The following KCNIP4 variants were observed in gnomAD, a reference collection of about 807,000 sequenced individuals.
The protein encoded by KCNIP4 is Kv channel-interacting protein 4.
KCNIP4 carries 12 observed loss-of-function variants against 34.0 expected under a neutral mutation model. That is an observed-to-expected ratio of 0.35 (90% CI 0.23 to 0.57). The LOEUF is 0.57. Among genes scored for constraint, KCNIP4 ranks in the 20% least tolerant of loss-of-function variants. The probability of loss-of-function intolerance (pLI) is 0.83; values close to 1 mark genes in which losing one functional copy is unlikely to be tolerated. For synonymous variants in KCNIP4, 124 were observed against 102.2 expected (o/e 1.21, Z -1.29); for missense variants, 238 against 311.7 (o/e 0.76, Z 1.78).
At chr4:21,520,857 G>A (rs1735460257) in intron 1 of KCNIP4, among the ~76,000 whole-genome samples, 1 of 152,102 alleles carries the variant, frequency 6.6e-6, no homozygotes. Context: ...GTATTCCTGG[G>A]TTGACTTTTA....
intron 1 of KCNIP4, among the ~76,000 whole-genome samples, chr4:21,711,795 T>A (rs1033160405): frequency 6.6e-6 from 1 of 152,190 alleles, no homozygotes; most frequent in African/African-American, 2.4e-5. Context: ...GAAATCCCAA[T>A]GATATCTACT....
chr4:20,909,179 T>C (rs1728088646), intron 1 of KCNIP4, among the ~76,000 whole-genome samples: 2 of 152,222 alleles, frequency 1.3e-5, no homozygotes. Flanking sequence ...GAAAATCATA[T>C]ATGAAATTGT....
intron 1 of KCNIP4, chr4:21,464,842 TAATA>T (rs1305519854): frequency 6.6e-6 from 1 of 152,102 alleles, no homozygotes; most frequent in Non-Finnish European, 1.5e-5. Flanking sequence ...TTTTTAATTT[TAATA>T]AATATATTTC....
chr4:21,599,999 C>A (rs1402960089), intron 1 of KCNIP4, among the ~76,000 whole-genome samples: 1 of 151,978 alleles, frequency 6.6e-6, no homozygotes, highest in African/African-American at 2.4e-5. Flanking sequence ...AAATCCTCAG[C>A]GATTCTGCTG....
chr4:20,805,185 C>A (rs948412400), intron 3 of KCNIP4, among the ~76,000 whole-genome samples: 1 of 67,146 alleles, frequency 1.5e-5, no homozygotes, highest in African/African-American at 5.4e-5. Context: ...ATAGATGCTT[C>A]CTTTTTTTTT....
intron 1 of KCNIP4, among the ~76,000 whole-genome samples, chr4:21,043,041 T>C (rs894890328): frequency 6.6e-6 from 1 of 152,210 alleles, no homozygotes; most frequent in African/African-American, 2.4e-5. Context: ...CTCTATTATC[T>C]TTAGACTACC....
At chr4:21,624,963 TG>T (rs1745226722) in intron 1 of KCNIP4, among the ~76,000 whole-genome samples, 1 of 152,148 alleles carries the variant, frequency 6.6e-6, no homozygotes, top group African/African-American at 2.4e-5. Context: ...GCTGACAGAA[TG>T]TGGCAATTAA....
intron 1 of KCNIP4, among the ~76,000 whole-genome samples, chr4:21,350,261 T>TAAAA (rs1717878817): frequency 6.6e-6 from 1 of 152,118 alleles, no homozygotes; most frequent in Non-Finnish European, 1.5e-5. Flanking sequence ...CAGCAACGTC[T>TAAAA]TTTATAAACT....
chr4:20,830,359 T>C (rs1718270008), intron 3 of KCNIP4, among the ~76,000 whole-genome samples: 1 of 152,190 alleles, frequency 6.6e-6, no homozygotes, highest in Admixed American at 6.5e-5. Context: ...GAACTATGAA[T>C]TCTGGTCTAC....
intron 1 of KCNIP4, among the ~76,000 whole-genome samples, chr4:21,538,764 C>T (rs991772182): frequency 6.6e-6 from 1 of 152,188 alleles, no homozygotes; most frequent in Non-Finnish European, 1.5e-5. Context: ...TCACTCAAGG[C>T]TCTGTAATGC....
At chr4:21,697,372 T>C (rs761109038) in intron 1 of KCNIP4, 17 of 1,510,424 alleles carry the variant, frequency 1.1e-5, no homozygotes, top group Non-Finnish European at 1.4e-5. Context: ...AACCTGTTAA[T>C]AGTCTGAGAA....
intron 1 of KCNIP4, among the ~76,000 whole-genome samples, chr4:21,566,357 G>A (rs987542221): frequency 1.3e-5 from 2 of 152,118 alleles, no homozygotes; most frequent in African/African-American, 4.8e-5. Context: ...AGTGTTGGAA[G>A]AGGGGCCTAT....
chr4:21,072,404 C>T (rs1290201279), intron 1 of KCNIP4, among the ~76,000 whole-genome samples: 2 of 152,008 alleles, frequency 1.3e-5, no homozygotes, highest in Admixed American at 1.3e-4. Flanking sequence ...TGATGATGAA[C>T]ATTTTTTCAT....
chr4:21,307,679 C>G (rs1712636412), intron 1 of KCNIP4, among the ~76,000 whole-genome samples: 2 of 152,172 alleles, frequency 1.3e-5, no homozygotes, highest in Non-Finnish European at 2.9e-5. Context: ...GCTACCTGCT[C>G]TCTCACTGAT....
At chr4:21,794,656 G>A (rs537670107) in intron 1 of KCNIP4, among the ~76,000 whole-genome samples, 4 of 152,122 alleles carry the variant, frequency 2.6e-5, no homozygotes, top group Non-Finnish European at 5.9e-5. Context: ...TTGGGAGGCC[G>A]AGGCAGGCAG....
intron 1 of KCNIP4, among the ~76,000 whole-genome samples, chr4:21,629,849 C>CTTTTTTTTTTTTTTTTTTTTTTTT (rs5856652): frequency 3.4e-5 from 3 of 87,802 alleles, no homozygotes; most frequent in Non-Finnish European, 6.0e-5. Context: ...CTTTTTCTTT[C>CTTTTTTTTTTTTTTTTTTTTTTTT]TTTTTTTTTT....
chr4:21,686,050 A>T (rs1243488862), intron 1 of KCNIP4, among the ~76,000 whole-genome samples: 1 of 152,196 alleles, frequency 6.6e-6, no homozygotes, highest in African/African-American at 2.4e-5. Flanking sequence ...GGCTCAGGGA[A>T]TTACAAGATG....
chr4:21,704,266 C>T (rs1227130545), intron 1 of KCNIP4, among the ~76,000 whole-genome samples: 1 of 152,092 alleles, frequency 6.6e-6, no homozygotes, highest in Non-Finnish European at 1.5e-5. Flanking sequence ...TAGGGCTACG[C>T]AGAGTCCTTA....
chr4:21,829,493 G>GA (rs1722853167), intron 1 of KCNIP4, among the ~76,000 whole-genome samples: 1 of 150,704 alleles, frequency 6.6e-6, no homozygotes, highest in Admixed American at 6.6e-5. Context: ...AAAAGTAGAG[G>GA]AAAAAAATGG....
Sources: gnomAD v4.1 joint callset for allele counts (sites outside exome capture counted in the v4.1 genomes callset) on GRCh38, gnomAD v4.1.1 for gene constraint, MANE v1.5 for transcripts, NCBI Gene and HGNC (gene_info 2026-07-23, HGNC 2026-07-21) for gene names.